Variants in CTNNA2 observed in about 807,000 individuals in gnomAD.
The protein encoded by CTNNA2 is catenin alpha-2.
CTNNA2 carries 42 observed loss-of-function variants against 101.0 expected under a neutral mutation model. The observed-to-expected ratio is 0.42, with a 90% CI of 0.32 to 0.54. The LOEUF (loss-of-function observed/expected upper bound fraction) is 0.54, where lower values mean the gene tolerates loss of function less well. CTNNA2 is among the 20% of genes least tolerant of loss of function. CTNNA2 has a pLI of 0.14. For synonymous variants in CTNNA2, 450 were observed against 456.4 expected, an observed-to-expected ratio of 0.99 and a Z score of 0.18; for missense variants, 871 against 1,223.1, an observed-to-expected ratio of 0.71 and a Z score of 4.29.
intron 2 of CTNNA2, among the ~76,000 whole-genome samples, chr2:79,225,613 T>C (rs1674398597): frequency 6.6e-6 from 1 of 152,146 alleles, no homozygotes; most frequent in South Asian, 2.1e-4. Flanking sequence ...CTGAAAGATT[T>C]GAATGAAGTT....
At chr2:79,513,430 C>G (rs1671637555) in intron 1 of CTNNA2, among the ~76,000 whole-genome samples, 1 of 152,024 alleles carries the variant, frequency 6.6e-6, no homozygotes, top group Non-Finnish European at 1.5e-5. Flanking sequence ...CTTTCTTCCC[C>G]GTCTTCCTTG....
At position 80,538,085 on chromosome 2, in the gene CTNNA2, CT is replaced by C. The variant is rs539750606; in HGVS notation, c.1291-6895del. ...CACTTTTTGATAGGGTTGTTTTTTTCTTGTAAATTTAAGTTCCTTGTAGATT... is the reference window on the plus strand; with the variant it reads ...CACTTTTTGATAGGGTTGTTTTTTTCTGTAAATTTAAGTTCCTTGTAGATT... On this transcript the variant is annotated intron_variant, in intron 9 of 18. Transcript: ENST00000402739. Among the ~76,000 whole-genome samples the C allele has an allele frequency of 8.6e-5, 13 of 151,824 alleles. No individual in the cohort carries two copies. The East Asian group carries it at 2.5e-3, about 30-fold the overall frequency.
At chr2:80,409,571 C>T (rs1240679842) in intron 8 of CTNNA2, among the ~76,000 whole-genome samples, 1 of 152,100 alleles carries the variant, frequency 6.6e-6, no homozygotes, top group Non-Finnish European at 1.5e-5. Context: ...AAAAACAGTG[C>T]TTCATCTACC....
intron 7 of CTNNA2, among the ~76,000 whole-genome samples, chr2:80,330,738 CTTG>C (rs1671243552): frequency 1.3e-5 from 2 of 152,072 alleles, no homozygotes; most frequent in Admixed American, 6.6e-5. Context: ...CACCAAGAGT[CTTG>C]TTGTTCATTA....
At chr2:79,582,792 G>C (rs187880657) in intron 1 of CTNNA2, among the ~76,000 whole-genome samples, 26 of 152,122 alleles carry the variant, frequency 1.7e-4, no homozygotes, top group Non-Finnish European at 2.9e-4. Context: ...ATTTCTTCTA[G>C]GTGCACAGTT....
intron 9 of CTNNA2, among the ~76,000 whole-genome samples, chr2:80,525,963 A>G (rs1164286620): frequency 1.3e-5 from 2 of 152,196 alleles, no homozygotes; most frequent in Non-Finnish European, 2.9e-5. Context: ...TGCCATTGAA[A>G]GTAATGTCAA....
intron 7 of CTNNA2, among the ~76,000 whole-genome samples, chr2:79,922,915 GTATTC>G (rs1051764891): frequency 6.6e-6 from 1 of 151,900 alleles, no homozygotes; most frequent in African/African-American, 2.4e-5. Flanking sequence ...TGGATTTTCG[GTATTC>G]TATTCTCTCC....
At chr2:79,339,381 C>G (rs1027560847) in intron 3 of CTNNA2, among the ~76,000 whole-genome samples, 3 of 152,096 alleles carry the variant, frequency 2.0e-5, no homozygotes, top group Admixed American at 6.6e-5. Flanking sequence ...ATCACAGGGT[C>G]AGTCAATTAC....
intron 9 of CTNNA2, among the ~76,000 whole-genome samples, chr2:80,485,104 G>T (rs1686465750): frequency 6.6e-6 from 1 of 152,146 alleles, no homozygotes; most frequent in Non-Finnish European, 1.5e-5. Flanking sequence ...AAGTGTACGT[G>T]TGTGTTGTTT....
At chr2:79,700,213 T>C (rs1684911529) in intron 2 of CTNNA2, among the ~76,000 whole-genome samples, 1 of 152,142 alleles carries the variant, frequency 6.6e-6, no homozygotes, top group South Asian at 2.1e-4. Flanking sequence ...TATGCAATAA[T>C]CATCAAAGTA....
chr2:79,504,866 G>A (rs948903762), intron 4 of CTNNA2, among the ~76,000 whole-genome samples: 2 of 152,142 alleles, frequency 1.3e-5, no homozygotes, highest in African/African-American at 2.4e-5. Flanking sequence ...CTACTTTGCC[G>A]CTTTTCCCAC....
chr2:80,244,574 T>A (rs1284280212), intron 7 of CTNNA2, among the ~76,000 whole-genome samples: 2 of 152,202 alleles, frequency 1.3e-5, no homozygotes, highest in Non-Finnish European at 2.9e-5. Context: ...ACAGAACAAG[T>A]CCACAGTATA....
chr2:80,542,742 T>C (rs941940167), intron 9 of CTNNA2, among the ~76,000 whole-genome samples: 13 of 152,076 alleles, frequency 8.5e-5, no homozygotes, highest in Non-Finnish European at 1.8e-4. Flanking sequence ...AAAACAGCCA[T>C]CATCTAAAAT....
At chr2:79,216,058 C>T (rs757555788) in intron 2 of CTNNA2, among the ~76,000 whole-genome samples, 103 of 152,088 alleles carry the variant, frequency 6.8e-4, no homozygotes, top group African/African-American at 2.1e-3. Context: ...AATGCCTGGA[C>T]GTCAGGCACC....
At chr2:79,447,509 A>G (rs900654170) in intron 4 of CTNNA2, among the ~76,000 whole-genome samples, 2 of 152,066 alleles carry the variant, frequency 1.3e-5, no homozygotes, top group African/African-American at 4.8e-5. Context: ...CCAGCCAAGA[A>G]ACTGCCTAAT....
chr2:80,008,330 G>A (rs1001416501), intron 7 of CTNNA2, among the ~76,000 whole-genome samples: 13 of 152,182 alleles, frequency 8.5e-5, no homozygotes, highest in African/African-American at 2.9e-4. Flanking sequence ...TTGGGAGGGA[G>A]AACTGAACCC....
intron 2 of CTNNA2, among the ~76,000 whole-genome samples, chr2:79,706,682 G>A (rs1302419855): frequency 6.6e-6 from 1 of 152,124 alleles, no homozygotes; most frequent in Non-Finnish European, 1.5e-5. Flanking sequence ...GATGGCTGAG[G>A]AGGTAAAAAT....
intron 2 of CTNNA2, among the ~76,000 whole-genome samples, chr2:79,706,981 C>G (rs1008764029): frequency 2.9e-4 from 44 of 152,194 alleles, no homozygotes; most frequent in African/African-American, 1.0e-3. Flanking sequence ...AAATTTGGTG[C>G]AAATATATAT....
At chr2:79,366,536 C>A (rs897018541) in intron 3 of CTNNA2, among the ~76,000 whole-genome samples, 1 of 152,132 alleles carries the variant, frequency 6.6e-6, no homozygotes, top group Non-Finnish European at 1.5e-5. Flanking sequence ...AGTTTACAAC[C>A]CTTGTTCATT....
Sources: allele counts gnomAD v4.1 joint callset (sites outside exome capture counted in the v4.1 genomes callset), GRCh38; gene constraint gnomAD v4.1.1; transcripts MANE v1.5; gene names NCBI Gene and HGNC (gene_info 2026-07-23, HGNC 2026-07-21).